Variants in PCSK2 observed in about 807,000 individuals in gnomAD.
PCSK2 encodes the protein proprotein convertase subtilisin/kexin type 2.
Under a neutral mutation model 69.7 loss-of-function variants are expected in PCSK2, and 14 were observed. That is an observed-to-expected ratio of 0.20 (90% confidence interval 0.13 to 0.31). PCSK2 has a LOEUF of 0.31. Ranked by LOEUF, PCSK2 falls within the 10% of genes least tolerant of loss-of-function variation. PCSK2 has a pLI of 1.00. For missense variants in PCSK2, 544 were observed against 842.5 expected, an observed-to-expected ratio of 0.65 and a Z score of 4.39; for synonymous variants, 307 against 320.7, an observed-to-expected ratio of 0.96 and a Z score of 0.46.
chr20:17,245,680 A>G (rs2122963464), intron 1 of PCSK2, among the ~76,000 whole-genome samples: 1 of 152,186 alleles, frequency 6.6e-6, no homozygotes, highest in Admixed American at 6.5e-5. Flanking sequence ...CCTCGTGTTC[A>G]ATCTCATGAG....
chr20:17,413,107 G>A (rs1221411060), intron 6 of PCSK2, among the ~76,000 whole-genome samples: 1 of 152,194 alleles, frequency 6.6e-6, no homozygotes, highest in Non-Finnish European at 1.5e-5. Flanking sequence ...TCAATGCTAG[G>A]AAGAAACTGC....
rs116879183 is a variant in PCSK2 at position 17,404,853 on chromosome 20, G to A, written c.544-4410G>A. ...CTTTGTAAATACTTTAGGCTTTGTG[G>A]GGTTTTGTCACAACGACTTATCTCT... is the stretch of plus-strand genomic sequence containing the variant. On this transcript the variant is annotated intron_variant, in intron 5 of 11. Transcript: ENST00000262545. Among the ~76,000 whole-genome samples, 1,389 of 152,278 alleles carry A rather than the reference G, an allele frequency of 9.1e-3. 12 individuals carry two copies. The highest frequency in any genetic ancestry group is 0.018 in the South Asian group (85 of 4,822).
At chr20:17,448,639 G>A (rs1475385636) in intron 8 of PCSK2, among the ~76,000 whole-genome samples, 1 of 151,916 alleles carries the variant, frequency 6.6e-6, no homozygotes, top group Non-Finnish European at 1.5e-5. Flanking sequence ...AGTCTCCCTG[G>A]CCTTTATGGA....
At chr20:17,226,983 T>C (rs1364571832), upstream of PCSK2, 4 of 185,334 alleles carry the variant, frequency 2.2e-5, no homozygotes, top group East Asian at 1.4e-4. Flanking sequence ...CCCTAGGGAA[T>C]TGGAGCTGAG....
At chr20:17,270,319 G>A (rs920309915) in intron 2 of PCSK2, among the ~76,000 whole-genome samples, 12 of 151,974 alleles carry the variant, frequency 7.9e-5, no homozygotes, top group African/African-American at 1.2e-4. Flanking sequence ...CAGGTTTCAC[G>A]GTCTTAAAGC....
Position 17,409,360 on chromosome 20 carries a change from T to G in PCSK2, c.620+21T>G. ...AACAGGTAAACTGGGCCTTGGGAGGTCTCTTTGACTTTAGGCTTTGGGGTT... is the reference window on the plus strand; with the variant it reads ...AACAGGTAAACTGGGCCTTGGGAGGGCTCTTTGACTTTAGGCTTTGGGGTT... On this transcript the variant is annotated intron_variant, in intron 6 of 11. Transcript: ENST00000262545. 3.2e-6 allele frequency: 5 copies of G among 1,546,744 alleles called. No individual in the cohort carries two copies. The East Asian group carries it at 1.1e-4, about 35-fold the overall frequency.
intron 8 of PCSK2, among the ~76,000 whole-genome samples, chr20:17,438,086 GT>G (rs1186718009): frequency 2.0e-5 from 3 of 152,178 alleles, no homozygotes; most frequent in Non-Finnish European, 4.4e-5. Flanking sequence ...GAGTTGTCTG[GT>G]GTTAAGTGAG....
intron 2 of PCSK2, among the ~76,000 whole-genome samples, chr20:17,261,626 G>C (rs1243755788): frequency 6.6e-6 from 1 of 152,192 alleles, no homozygotes; most frequent in African/African-American, 2.4e-5. Flanking sequence ...AGACCTAAGG[G>C]AGAAGCTCTC....
At chr20:17,295,062 GCTCT>G (rs1276400872) in intron 2 of PCSK2, among the ~76,000 whole-genome samples, 4 of 151,996 alleles carry the variant, frequency 2.6e-5, no homozygotes, top group Non-Finnish European at 5.9e-5. Context: ...TGCTTGGAGA[GCTCT>G]CTTTTTCCTA....
At chr20:17,315,054 C>G (rs2424068) in intron 2 of PCSK2, among the ~76,000 whole-genome samples, 12,042 of 152,224 alleles carry the variant, frequency 0.079, 553 homozygotes, top group East Asian at 0.11. Context: ...AAGCACTTAG[C>G]CCACTCTATC....
chr20:17,367,450 T>C (rs1318199129), intron 4 of PCSK2, among the ~76,000 whole-genome samples: 1 of 152,268 alleles, frequency 6.6e-6, no homozygotes, highest in African/African-American at 2.4e-5. Context: ...AGACAGATTA[T>C]GTCACTTGGC....
chr20:17,237,155 T>C (rs1194882960), intron 1 of PCSK2, among the ~76,000 whole-genome samples: 1 of 152,002 alleles, frequency 6.6e-6, no homozygotes, highest in East Asian at 1.9e-4. Flanking sequence ...AATAGGTAAA[T>C]TGGAAATAAC....
intron 2 of PCSK2, among the ~76,000 whole-genome samples, chr20:17,347,905 AAAGAAAGAAAGAAAG>A (rs1990717001): frequency 1.0e-5 from 1 of 96,116 alleles, no homozygotes; most frequent in African/African-American, 3.9e-5. Context: ...AGAAAGAAAG[AAAGAAAGAAAGAAAG>A]GAGAGAGAAA....
At chr20:17,241,908 T>G (rs1036244672) in intron 1 of PCSK2, among the ~76,000 whole-genome samples, 117 of 152,326 alleles carry the variant, frequency 7.7e-4, no homozygotes, top group African/African-American at 2.6e-3. Context: ...CATTTTTAAT[T>G]TTTTCTTTCT....
At chr20:17,419,708 T>C (rs7269363) in intron 6 of PCSK2, among the ~76,000 whole-genome samples, 11,325 of 152,240 alleles carry the variant, frequency 0.074, 520 homozygotes, top group Non-Finnish European at 0.11. Flanking sequence ...GCAGCCCACG[T>C]TTTGTCAATA....
intron 2 of PCSK2, among the ~76,000 whole-genome samples, chr20:17,349,627 G>A (rs1176570438): frequency 4.6e-5 from 7 of 151,982 alleles, no homozygotes; most frequent in Admixed American, 4.6e-4. Flanking sequence ...GCCCATCCAT[G>A]GGTGTTAGAG....
chr20:17,365,421 A>G (rs1048491685), intron 4 of PCSK2, among the ~76,000 whole-genome samples: 2 of 152,042 alleles, frequency 1.3e-5, no homozygotes. Context: ...AAACACTCAA[A>G]TCTCAGCATT....
At chr20:17,405,764 A>G (rs1387273465) in intron 5 of PCSK2, among the ~76,000 whole-genome samples, 3 of 152,220 alleles carry the variant, frequency 2.0e-5, no homozygotes, top group Non-Finnish European at 4.4e-5. Context: ...GAATTATTAT[A>G]TACCAGGGAT....
chr20:17,427,650 A>G (rs570358462), intron 6 of PCSK2, among the ~76,000 whole-genome samples: 1 of 152,312 alleles, frequency 6.6e-6, no homozygotes, highest in African/African-American at 2.4e-5. Flanking sequence ...TCCCAAGTCT[A>G]TAGTTTGGCT....
Sources: gnomAD v4.1 joint callset for allele counts (sites outside exome capture counted in the v4.1 genomes callset) on GRCh38, gnomAD v4.1.1 for gene constraint, MANE v1.5 for transcripts, NCBI Gene and HGNC (gene_info 2026-07-23, HGNC 2026-07-21) for gene names.